The following EFCAB6 variants were observed in gnomAD, a reference collection of about 807,000 sequenced individuals.
EFCAB6 encodes EF-hand calcium-binding domain-containing protein 6.
In EFCAB6, 156 loss-of-function variants were observed where a neutral mutation model predicts 169.8. The observed-to-expected ratio is 0.92, with a 90% CI of 0.81 to 1.05. The LOEUF (loss-of-function observed/expected upper bound fraction) is 1.05, where lower values mean the gene tolerates loss of function less well. EFCAB6 is among the 50% of genes least tolerant of loss of function. The pLI, the probability that EFCAB6 is intolerant of heterozygous loss-of-function variation, is 0.00. For missense variants in EFCAB6, 1,800 were observed against 1,829.1 expected (o/e 0.98, Z 0.29); for synonymous variants, 698 against 676.4 (o/e 1.03, Z -0.50).
At chr22:43,615,966 G>A (rs2053657628) in intron 20 of EFCAB6, 44 bp from the exon 21 acceptor site, 1 of 1,522,466 alleles carries the variant, frequency 6.6e-7, no homozygotes, top group Non-Finnish European at 8.9e-7. Flanking sequence ...TAAATTTAAT[G>A]GGCTCATTAA....
At chr22:43,775,064 T>C (rs1465183319) in intron 3 of EFCAB6, among the ~76,000 whole-genome samples, 3 of 151,890 alleles carry the variant, frequency 2.0e-5, no homozygotes, top group African/African-American at 7.3e-5. Context: ...AGCGTGATGG[T>C]CACAGAGCAA....
chr22:43,641,535 G>C (rs1465365111), intron 17 of EFCAB6, among the ~76,000 whole-genome samples: 1 of 150,970 alleles, frequency 6.6e-6, no homozygotes, highest in Non-Finnish European at 1.5e-5. Context: ...AGGATCGCTT[G>C]AACCTGGGAG....
chr22:43,609,027 C>T (rs939454183), intron 21 of EFCAB6, among the ~76,000 whole-genome samples: 4 of 152,170 alleles, frequency 2.6e-5, no homozygotes, highest in African/African-American at 9.7e-5. Context: ...TATATGGTAC[C>T]ATTTTTATGG....
rs34190678 is a variant in EFCAB6 at position 43,632,295 on chromosome 22, T to C, written c.2099-57A>G. The C allele has an allele frequency of 4.6e-5, 11 of 236,976 alleles. No homozygotes were observed. In the South Asian group the frequency reaches 9.0e-4, roughly 19 times the overall value. The allele number at this position is 236,976 out of a possible 1,614,324, so 14.7% of individuals were successfully genotyped here. ...TAGTGCCCATCAGCTTCATTCCTTC[T>C]TTTTTTTTTTTTTTTTTTTTTGAGA... is the stretch of plus-strand genomic sequence containing the variant. On this transcript the variant is annotated intron_variant, in intron 18 of 31. Coordinates refer to ENST00000262726, the MANE Select transcript of EFCAB6 (RefSeq NM_022785.4).
At chr22:43,754,055 A>C (rs1015826) in intron 6 of EFCAB6, among the ~76,000 whole-genome samples, 147,058 of 152,232 alleles carry the variant, frequency 0.97, 71,078 homozygotes, top group East Asian at 1. Context: ...CTACTGCACA[A>C]AGCACACAGT....
chr22:43,566,204 G>C (rs1213570596), intron 26 of EFCAB6, among the ~76,000 whole-genome samples: 1 of 152,190 alleles, frequency 6.6e-6, no homozygotes, highest in Non-Finnish European at 1.5e-5. Context: ...GATGGGAGTA[G>C]ATACTCCAGC....
intron 10 of EFCAB6, among the ~76,000 whole-genome samples, chr22:43,709,327 C>T (rs1376606314): frequency 6.6e-6 from 1 of 152,182 alleles, no homozygotes; most frequent in East Asian, 1.9e-4. Context: ...GGTGATCCAC[C>T]TGCTTTGGCC....
At chr22:43,620,699 A>AT (rs536973822) in intron 20 of EFCAB6, among the ~76,000 whole-genome samples, 4 of 152,030 alleles carry the variant, frequency 2.6e-5, no homozygotes, top group African/African-American at 4.8e-5. Flanking sequence ...ATAATACACA[A>AT]TTTTTTTTCT....
At chr22:43,800,635 AT>A (rs35404992) in intron 2 of EFCAB6, among the ~76,000 whole-genome samples, 4 of 152,340 alleles carry the variant, frequency 2.6e-5, no homozygotes, top group African/African-American at 9.6e-5. Flanking sequence ...ATTGAGATAA[AT>A]TTTTTAAAAA....
chr22:43,764,886 T>C (rs2061277887), intron 5 of EFCAB6, among the ~76,000 whole-genome samples: 1 of 151,030 alleles, frequency 6.6e-6, no homozygotes, highest in African/African-American at 2.4e-5. Context: ...TACAAAGATC[T>C]TTTTTTATTA....
rs146476456 is a variant in EFCAB6 at position 43,630,801 on chromosome 22, C to A, written c.2232+1304G>T. Among the ~76,000 whole-genome samples the A allele has an allele frequency of 3.4e-3, 523 of 152,342 alleles. 1 individual carries two copies. The highest frequency in any genetic ancestry group is 0.01 in the Middle Eastern group (3 of 294). ...CCTCCTCCACGCTGGAGCCCACAGG[C>A]CAGTGGTTCCCAGAGTGCTCCTCTT... is the stretch of plus-strand genomic sequence containing the variant. On this transcript the variant is annotated intron_variant, in intron 19 of 31. Coordinates refer to ENST00000262726, the MANE Select transcript of EFCAB6 (RefSeq NM_022785.4).
intron 18 of EFCAB6, 86 bp downstream of exon 18, chr22:43,635,016 C>T: frequency 3.9e-6 from 4 of 1,037,212 alleles, no homozygotes; most frequent in Admixed American, 1.8e-5. Context: ...CTACTTCAAC[C>T]CGAGTGGCCT....
At chr22:43,677,410 G>A (rs2057806683) in intron 13 of EFCAB6, among the ~76,000 whole-genome samples, 1 of 152,162 alleles carries the variant, frequency 6.6e-6, no homozygotes, top group African/African-American at 2.4e-5. Flanking sequence ...CACTTTGGGA[G>A]GCCGAGGCAA....
intron 17 of EFCAB6, among the ~76,000 whole-genome samples, chr22:43,649,426 T>C (rs2056350998): frequency 6.6e-6 from 1 of 152,134 alleles, no homozygotes; most frequent in African/African-American, 2.4e-5. Flanking sequence ...AAAAAGATAC[T>C]GTCATACACA....
At chr22:43,722,231 A>T (rs2059556960) in intron 8 of EFCAB6, among the ~76,000 whole-genome samples, 2 of 152,142 alleles carry the variant, frequency 1.3e-5, no homozygotes, top group Non-Finnish European at 2.9e-5. Context: ...GGCTATTATT[A>T]AAAAGTCAAA....
At chr22:43,674,076 G>A (rs572624293) in intron 13 of EFCAB6, among the ~76,000 whole-genome samples, 4 of 152,078 alleles carry the variant, frequency 2.6e-5, no homozygotes, top group Admixed American at 2.6e-4. Context: ...AATATGTACA[G>A]TTTTTGAATA....
chr22:43,780,864 C>T (rs1437347878), intron 3 of EFCAB6, among the ~76,000 whole-genome samples: 1 of 152,160 alleles, frequency 6.6e-6, no homozygotes, highest in Non-Finnish European at 1.5e-5. Flanking sequence ...TGGCTTCACC[C>T]AATTACAAGG....
In EFCAB6 at chr22:43,602,067, G is replaced by A. The variant is rs187018044; in HGVS notation, c.2682-1804C>T. On this transcript the variant is annotated intron_variant, in intron 22 of 31. Coordinates refer to ENST00000262726, the MANE Select transcript of EFCAB6 (RefSeq NM_022785.4). ...GGCTCTAGGTAAATACCAGTTTGCC[G>A]GCTCTTCACCTGGCAAGGCCCTTTC... Among the ~76,000 whole-genome samples, 60 of 152,342 alleles carry A rather than the reference G, an allele frequency of 3.9e-4. 1 individual carries two copies. The East Asian group carries it at 9.1e-3, about 23-fold the overall frequency.
At position 43,574,122 on chromosome 22, in the gene EFCAB6, G is replaced by A. The variant is rs2050074341; in HGVS notation, c.3420+2175C>T. On this transcript the variant is annotated intron_variant, in intron 26 of 31. Coordinates refer to ENST00000262726, the MANE Select transcript of EFCAB6 (RefSeq NM_022785.4). ...TGCAAAGTGCTCACTGTAAATTACA[G>A]AGGCAAAAGCTGGAAAAAAAAAATC... is the stretch of plus-strand genomic sequence containing the variant. Among the ~76,000 whole-genome samples, 2 of 151,464 alleles carry A rather than the reference G, an allele frequency of 1.3e-5. 1 individual carries two copies. The highest frequency in any genetic ancestry group is 4.2e-4 in the South Asian group (2 of 4,802).
Sources: gnomAD v4.1 joint callset for allele counts (sites outside exome capture counted in the v4.1 genomes callset) on GRCh38, gnomAD v4.1.1 for gene constraint, MANE v1.5 for transcripts, NCBI Gene and HGNC (gene_info 2026-07-23, HGNC 2026-07-21) for gene names.